ADAMTS9: variants seen among roughly 807,000 people sequenced by gnomAD.
ADAMTS9 encodes the protein A disintegrin and metalloproteinase with thrombospondin motifs 9.
In ADAMTS9, 107 loss-of-function variants were observed where a neutral mutation model predicts 257.1. The observed-to-expected ratio is 0.42, with a 90% CI of 0.36 to 0.49. ADAMTS9 has a LOEUF of 0.49. Among genes scored for constraint, ADAMTS9 ranks in the 20% least tolerant of loss-of-function variants. The pLI is 0.03. For synonymous variants in ADAMTS9, 982 were observed against 880.9 expected (o/e 1.11, Z -2.03); for missense variants, 2,353 against 2,469.1 (o/e 0.95, Z 1.00).
chr3:64,678,026 A>T (rs1701665102), intron 3 of ADAMTS9, among the ~76,000 whole-genome samples: 1 of 152,164 alleles, frequency 6.6e-6, no homozygotes, highest in Non-Finnish European at 1.5e-5. Flanking sequence ...TGACCAAGAC[A>T]TATTCCATCT....
chr3:64,637,219 A>G (rs1410484143), intron 12 of ADAMTS9, among the ~76,000 whole-genome samples: 1 of 152,258 alleles, frequency 6.6e-6, no homozygotes, highest in Non-Finnish European at 1.5e-5. Context: ...TCAGCCAACC[A>G]AACTCATCTT....
intron 39 of ADAMTS9, among the ~76,000 whole-genome samples, chr3:64,517,415 G>GTTTTTTTTTTT (rs1242670245): frequency 6.9e-4 from 8 of 11,566 alleles, no homozygotes; most frequent in African/African-American, 1.2e-3. Context: ...AATTAAAAAT[G>GTTTTTTTTTTT]GTTTTTTTTT....
At chr3:64,604,650 T>C (rs1176157825) in intron 23 of ADAMTS9, among the ~76,000 whole-genome samples, 3 of 152,242 alleles carry the variant, frequency 2.0e-5, no homozygotes, top group Non-Finnish European at 4.4e-5. Context: ...AATAGCAGGA[T>C]ATCATTTTAA....
intron 30 of ADAMTS9, among the ~76,000 whole-genome samples, chr3:64,558,574 T>A (rs763610944): frequency 2.0e-5 from 3 of 152,148 alleles, no homozygotes; most frequent in Non-Finnish European, 4.4e-5. Flanking sequence ...ACATCCCTGA[T>A]GACCATGGCC....
chr3:64,538,371 T>G (rs2083075611), intron 37 of ADAMTS9, among the ~76,000 whole-genome samples: 1 of 152,026 alleles, frequency 6.6e-6, no homozygotes, highest in Non-Finnish European at 1.5e-5. Context: ...CAGATAAGTC[T>G]TGAAAATTTT....
At chr3:64,539,361 G>C in intron 36 of ADAMTS9, 67 bp from the exon 37 acceptor site, 1 of 1,332,490 alleles carries the variant, frequency 7.5e-7, no homozygotes, top group Non-Finnish European at 1.1e-6. Context: ...GGAAGGAACA[G>C]GACATTAACA....
At chr3:64,650,977 G>A in intron 9 of ADAMTS9, 40 bp downstream of exon 9, 2 of 1,564,570 alleles carry the variant, frequency 1.3e-6, no homozygotes, top group South Asian at 1.2e-5. Flanking sequence ...ATGTAGGCCA[G>A]GCACTAGAAG....
chr3:64,643,728 C>G (rs9814590), intron 11 of ADAMTS9, among the ~76,000 whole-genome samples: 112,236 of 151,488 alleles, frequency 0.74, 43,789 homozygotes, highest in East Asian at 0.95. Flanking sequence ...GCCTCCCAAA[C>G]TGCTGGGATT....
intron 3 of ADAMTS9, among the ~76,000 whole-genome samples, chr3:64,659,154 G>A (rs780266167): frequency 1.3e-5 from 2 of 152,188 alleles, no homozygotes; most frequent in African/African-American, 4.8e-5. Context: ...GGCCAGTAAC[G>A]TAGCTACAGA....
chr3:64,518,417 C>T (rs2082807589), intron 39 of ADAMTS9, among the ~76,000 whole-genome samples: 1 of 152,138 alleles, frequency 6.6e-6, no homozygotes, highest in Non-Finnish European at 1.5e-5. Flanking sequence ...ATTGGTTGAG[C>T]TCATTCCTTG....
intron 38 of ADAMTS9, among the ~76,000 whole-genome samples, chr3:64,529,982 A>AT (rs200385291): frequency 0.57 from 60,483 of 106,420 alleles, 21,145 homozygotes; most frequent in Non-Finnish European, 0.76. Context: ...CAGTTATTTA[A>AT]TTTTTTTTTT....
At chr3:64,564,833 C>T (rs753142602) in intron 29 of ADAMTS9, among the ~76,000 whole-genome samples, 33 of 152,168 alleles carry the variant, frequency 2.2e-4, no homozygotes, top group Non-Finnish European at 4.4e-4. Context: ...TCCCAATAAA[C>T]CTTTTAGGCA....
At position 64,601,944 on chromosome 3, in the gene ADAMTS9, T is replaced by C. The variant is rs2084469343; in HGVS notation, c.4017A>G (p.Ala1339=). 1.9e-6 allele frequency: 3 copies of C among 1,595,604 alleles called. No homozygotes were observed. The highest frequency in any genetic ancestry group is 2.6e-6 in the Non-Finnish European group (3 of 1,169,932). The change falls in exon 26 of 40, where the codon GCA becomes GCG. Residue 1339 remains alanine, a splice_region_variant and synonymous_variant. Transcript: ENST00000498707. The part of the protein sequence containing the change: ...GNQWRTGPWG[A]CSSTCAGGSQ... ...CAAGCAAACTTCAGGGAATACTCACTGCTCCCCAGGGGCCAGTTCTCCACT... is the reference window on the plus strand; with the variant it reads ...CAAGCAAACTTCAGGGAATACTCACCGCTCCCCAGGGGCCAGTTCTCCACT...
chr3:64,625,077 A>G (rs547393339), intron 16 of ADAMTS9, among the ~76,000 whole-genome samples: 2 of 152,300 alleles, frequency 1.3e-5, no homozygotes, highest in Admixed American at 6.5e-5. Context: ...CCCTTGAAAG[A>G]TACAGGCCAT....
intron 39 of ADAMTS9, among the ~76,000 whole-genome samples, chr3:64,518,657 G>A (rs986043290): frequency 9.9e-5 from 15 of 151,944 alleles, no homozygotes; most frequent in Admixed American, 2.6e-4. Flanking sequence ...CTGATTCTTG[G>A]ACCACACCAT....
In ADAMTS9 at chr3:64,595,515, C is replaced by T. The variant is rs79094831; in HGVS notation, c.4180-1081G>A. Among the ~76,000 whole-genome samples the T allele has an allele frequency of 6.3e-3, 963 of 152,290 alleles. 4 individuals carry two copies. The highest frequency in any genetic ancestry group is 0.027 in the Middle Eastern group (8 of 292). On this transcript the variant is annotated intron_variant, in intron 27 of 39. Transcript: ENST00000498707. Reference sequence around the variant, plus strand: ...CCAGCAAGTTCGTGTACTCTCCTGGCTTGAATCCAATTACAGAAGCTTAAT... The same window carrying T: ...CCAGCAAGTTCGTGTACTCTCCTGGTTTGAATCCAATTACAGAAGCTTAAT...
chr3:64,673,063 T>C (rs1339476784), intron 3 of ADAMTS9, among the ~76,000 whole-genome samples: 1 of 152,206 alleles, frequency 6.6e-6, no homozygotes, highest in Non-Finnish European at 1.5e-5. Context: ...CAATAGGCTA[T>C]GTACCACGTA....
At chr3:64,545,810 C>G (rs779888085) in intron 32 of ADAMTS9, among the ~76,000 whole-genome samples, 1 of 152,108 alleles carries the variant, frequency 6.6e-6, no homozygotes, top group Admixed American at 6.6e-5. Flanking sequence ...GTTGGCCAGG[C>G]TGGTCTCGAT....
intron 34 of ADAMTS9, 32 bp from the exon 35 acceptor site, chr3:64,541,446 G>A: frequency 6.2e-7 from 1 of 1,611,112 alleles, no homozygotes; most frequent in Non-Finnish European, 8.5e-7. Context: ...ATGAAGAGTG[G>A]CTCAGAAATG....
Sources: allele counts gnomAD v4.1 joint callset (sites outside exome capture counted in the v4.1 genomes callset), GRCh38; gene constraint gnomAD v4.1.1; transcripts MANE v1.5; gene names NCBI Gene and HGNC (gene_info 2026-07-23, HGNC 2026-07-21).